CCDC3: variants seen among roughly 807,000 people sequenced by gnomAD.
CCDC3 encodes the protein coiled-coil domain-containing protein 3.
A neutral mutation model predicts 21.4 loss-of-function variants in CCDC3; 24 were observed. The ratio of observed to expected loss-of-function variants is 1.12; its 90% CI spans 0.81 to 1.58. CCDC3 has a LOEUF of 1.58. CCDC3 is among the 40% of genes most tolerant of loss of function. The pLI, the probability that CCDC3 is intolerant of heterozygous loss-of-function variation, is 0.00. For missense variants in CCDC3, 425 were observed against 360.9 expected (o/e 1.18, Z -1.44); for synonymous variants, 186 against 166.0 (o/e 1.12, Z -0.93).
intron 2 of CCDC3, among the ~76,000 whole-genome samples, chr10:12,962,699 A>C (rs1407665899): frequency 1.3e-5 from 2 of 152,264 alleles, no homozygotes; most frequent in Admixed American, 1.3e-4. Context: ...AGGGGTCAGA[A>C]GGAAAAGCTA....
chr10:12,984,696 T>C (rs899830282), intron 2 of CCDC3, among the ~76,000 whole-genome samples: 3 of 152,170 alleles, frequency 2.0e-5, no homozygotes, highest in Non-Finnish European at 4.4e-5. Context: ...CACCATACCA[T>C]GAAATATTAT....
At chr10:12,957,980 C>T (rs1317064768) in intron 2 of CCDC3, among the ~76,000 whole-genome samples, 1 of 152,072 alleles carries the variant, frequency 6.6e-6, no homozygotes, top group Non-Finnish European at 1.5e-5. Context: ...CAGGCTCACA[C>T]CACGTCTGGC....
intron 5 of CCDC3, among the ~76,000 whole-genome samples, chr10:13,028,947 C>T (rs1836262267): frequency 6.6e-6 from 1 of 152,146 alleles, no homozygotes; most frequent in African/African-American, 2.4e-5. Flanking sequence ...AAAATGACAT[C>T]CATAATTCCA....
intron 1 of CCDC3, among the ~76,000 whole-genome samples, chr10:13,000,446 T>TA (rs1416596320): frequency 3.3e-5 from 5 of 152,118 alleles, no homozygotes; most frequent in African/African-American, 1.2e-4. Context: ...TCCAGTGGTC[T>TA]ATAATCAAAG....
At chr10:13,053,574 T>C (rs565632762) in intron 4 of CCDC3, among the ~76,000 whole-genome samples, 14 of 152,134 alleles carry the variant, frequency 9.2e-5, no homozygotes, top group Admixed American at 2.6e-4. Context: ...TAAAATAAAA[T>C]AAAATGTACA....
chr10:13,019,236 A>T (rs533548661), intron 5 of CCDC3, among the ~76,000 whole-genome samples: 4 of 150,380 alleles, frequency 2.7e-5, no homozygotes, highest in East Asian at 2.0e-4. Context: ...TCTGTCTTTA[A>T]AAAAGAAAGA....
chr10:12,899,296 G>A (rs1391820499), intron 2 of CCDC3, among the ~76,000 whole-genome samples: 1 of 152,166 alleles, frequency 6.6e-6, no homozygotes, highest in African/African-American at 2.4e-5. Context: ...TGAAAGCCAT[G>A]GTGAATTACT....
intron 2 of CCDC3, 107 bp from the exon 3 acceptor site, chr10:12,898,786 C>T (rs1834050038): frequency 9.2e-6 from 12 of 1,306,522 alleles, no homozygotes; most frequent in Admixed American, 4.9e-5. Flanking sequence ...ACACAGACCC[C>T]GATTCCCCAC....
chr10:12,948,545 G>T (rs1172960319), intron 2 of CCDC3, among the ~76,000 whole-genome samples: 3 of 151,438 alleles, frequency 2.0e-5, no homozygotes, highest in Non-Finnish European at 2.9e-5. Flanking sequence ...TCTACCTTTG[G>T]GACTTTTCCT....
At chr10:13,063,972 C>T (rs1024492970) in intron 4 of CCDC3, among the ~76,000 whole-genome samples, 6 of 151,480 alleles carry the variant, frequency 4.0e-5, no homozygotes, top group African/African-American at 4.8e-5. Context: ...TCTGTCGTCA[C>T]GCTGGAGTGC....
At chr10:13,055,430 CAA>C (rs1299117581) in intron 4 of CCDC3, among the ~76,000 whole-genome samples, 5 of 151,618 alleles carry the variant, frequency 3.3e-5, no homozygotes, top group African/African-American at 7.3e-5. Flanking sequence ...CTCCTGGGCT[CAA>C]AGTGATCTCA....
At chr10:13,062,323 G>C (rs1308749833) in intron 4 of CCDC3, among the ~76,000 whole-genome samples, 3 of 152,174 alleles carry the variant, frequency 2.0e-5, no homozygotes, top group Admixed American at 6.5e-5. Context: ...TTGCTAGAAA[G>C]CTTAGAGTCA....
intron 4 of CCDC3, among the ~76,000 whole-genome samples, chr10:13,072,832 G>A (rs1241734377): frequency 6.6e-6 from 1 of 150,448 alleles, no homozygotes; most frequent in African/African-American, 2.4e-5. Context: ...AGACATTTCT[G>A]CCTGCACAAT....
At chr10:12,993,114 G>A (rs756576077) in intron 2 of CCDC3, among the ~76,000 whole-genome samples, 4 of 152,172 alleles carry the variant, frequency 2.6e-5, no homozygotes, top group East Asian at 1.9e-4. Flanking sequence ...CCCCCTGGAC[G>A]GGAGCAGGCA....
At chr10:12,978,462 A>G (rs1481354769) in intron 2 of CCDC3, among the ~76,000 whole-genome samples, 2 of 152,124 alleles carry the variant, frequency 1.3e-5, no homozygotes, top group Non-Finnish European at 2.9e-5. Context: ...ATCGGCTTTG[A>G]CTGTTTAGCA....
chr10:13,038,685 C>G (rs528052647), intron 5 of CCDC3, among the ~76,000 whole-genome samples: 1 of 152,336 alleles, frequency 6.6e-6, no homozygotes, highest in South Asian at 2.1e-4. Context: ...TATTTACAGA[C>G]AGAGAGCTCA....
At chr10:13,092,467 T>C (rs995926173) in intron 3 of CCDC3, among the ~76,000 whole-genome samples, 2 of 152,228 alleles carry the variant, frequency 1.3e-5, no homozygotes, top group Non-Finnish European at 2.9e-5. Flanking sequence ...TTTGCCATAA[T>C]AGTCCATGAA....
intron 2 of CCDC3, among the ~76,000 whole-genome samples, chr10:12,959,960 C>G (rs555557554): frequency 6.6e-6 from 1 of 152,150 alleles, no homozygotes; most frequent in Non-Finnish European, 1.5e-5. Flanking sequence ...TCAAGACCAG[C>G]CTGGCCAACA....
chr10:12,977,984 G>A (rs1346009068), intron 2 of CCDC3, among the ~76,000 whole-genome samples: 1 of 151,674 alleles, frequency 6.6e-6, no homozygotes, highest in Non-Finnish European at 1.5e-5. Context: ...GGGACCACAT[G>A]TATCGCTTGG....
Sources: allele counts gnomAD v4.1 joint callset (sites outside exome capture counted in the v4.1 genomes callset), GRCh38; gene constraint gnomAD v4.1.1; transcripts MANE v1.5; gene names NCBI Gene and HGNC (gene_info 2026-07-23, HGNC 2026-07-21).